The following MYO5B variants were observed in gnomAD, a reference collection of about 807,000 sequenced individuals.
MYO5B encodes unconventional myosin-Vb.
In MYO5B, 143 loss-of-function variants were observed where a neutral mutation model predicts 229.3. That is an observed-to-expected ratio of 0.62 (90% CI 0.54 to 0.72). The LOEUF (loss-of-function observed/expected upper bound fraction) is 0.72, where lower values mean the gene tolerates loss of function less well. MYO5B is among the 30% of genes least tolerant of loss of function. The pLI is 0.00. For synonymous variants in MYO5B, 918 were observed against 885.2 expected, an observed-to-expected ratio of 1.04 and a Z score of -0.66; for missense variants, 2,321 against 2,331.0, an observed-to-expected ratio of 1.00 and a Z score of 0.09.
intron 15 of MYO5B, 73 bp downstream of exon 15, chr18:49,937,172 C>CGG: frequency 6.4e-7 from 1 of 1,564,284 alleles, no homozygotes; most frequent in Non-Finnish European, 8.8e-7. Flanking sequence ...CTCACCCTGC[C>CGG]GCCATCCTTC....
At chr18:49,876,376 G>A (rs752084239) in intron 25 of MYO5B, 2 of 239,306 alleles carry the variant, frequency 8.4e-6, no homozygotes, top group Non-Finnish European at 1.6e-5. Context: ...ATTCATGCCT[G>A]AGTTTGCCCT....
intron 2 of MYO5B, among the ~76,000 whole-genome samples, chr18:50,043,416 T>TTTAAATATATTAAATATTAAATA (rs2030105106): frequency 9.6e-5 from 3 of 31,170 alleles, no homozygotes; most frequent in Non-Finnish European, 1.2e-4. Context: ...ATATTAAATA[T>TTTAAATATATTAAATATTAAATA]TTAAATATAT....
chr18:50,033,497 C>G (rs2026412972), intron 4 of MYO5B, among the ~76,000 whole-genome samples: 1 of 152,150 alleles, frequency 6.6e-6, no homozygotes, highest in Non-Finnish European at 1.5e-5. Context: ...CCTTAAGAAG[C>G]AGGGTGAGGT....
chr18:50,054,632 G>A (rs908223332), intron 2 of MYO5B, among the ~76,000 whole-genome samples: 1 of 152,188 alleles, frequency 6.6e-6, no homozygotes, highest in South Asian at 2.1e-4. Flanking sequence ...AGGAGGAATA[G>A]AATTTCATAG....
rs61547865 is a variant in MYO5B, at chr18:49,997,321, T to C, written c.612+3934A>G. Reference sequence around the variant, plus strand: ...AAGCAAATCCTGAAAATAACATATCTGGTCTTCATCATCATTTTTGCTAGC... The same window carrying C: ...AAGCAAATCCTGAAAATAACATATCCGGTCTTCATCATCATTTTTGCTAGC... On this transcript the variant is annotated intron_variant, in intron 5 of 39. Coordinates refer to ENST00000285039, the MANE Select transcript of MYO5B (RefSeq NM_001080467.3). Among the ~76,000 whole-genome samples the C allele has an allele frequency of 1.2e-3, 179 of 143,744 alleles. 1 individual carries two copies. The highest frequency in any genetic ancestry group is 4.5e-3 in the African/African-American group (175 of 39,222). The allele number at this position is 143,744 out of a possible 152,430, so 94.3% of individuals were successfully genotyped here.
At chr18:50,164,705 C>T (rs2032818773) in intron 1 of MYO5B, among the ~76,000 whole-genome samples, 1 of 152,084 alleles carries the variant, frequency 6.6e-6, no homozygotes, top group African/African-American at 2.4e-5. Context: ...AGGTATTAAG[C>T]CCTGCATACA....
intron 10 of MYO5B, among the ~76,000 whole-genome samples, chr18:49,969,206 C>G (rs1159739555): frequency 6.6e-6 from 1 of 152,200 alleles, no homozygotes; most frequent in African/African-American, 2.4e-5. Flanking sequence ...TTCCTGATTT[C>G]TCCCCCTCCA....
chr18:49,936,719 C>A (rs913991857), intron 15 of MYO5B, among the ~76,000 whole-genome samples: 3 of 152,176 alleles, frequency 2.0e-5, no homozygotes, highest in African/African-American at 4.8e-5. Context: ...ACCCTGACAT[C>A]CGATGCCTGG....
chr18:50,136,877 C>G (rs2032344466), intron 1 of MYO5B, among the ~76,000 whole-genome samples: 1 of 152,178 alleles, frequency 6.6e-6, no homozygotes, highest in African/African-American at 2.4e-5. Flanking sequence ...ACAAAGCATT[C>G]CCTAACTACC....
chr18:50,026,781 A>T (rs1460767007), intron 4 of MYO5B, among the ~76,000 whole-genome samples: 1 of 152,224 alleles, frequency 6.6e-6, no homozygotes, highest in Non-Finnish European at 1.5e-5. Flanking sequence ...AATCATACTA[A>T]GCATTTTCAT....
intron 1 of MYO5B, among the ~76,000 whole-genome samples, chr18:50,176,368 G>A (rs767275700): frequency 6.6e-6 from 1 of 152,112 alleles, no homozygotes; most frequent in Non-Finnish European, 1.5e-5. Flanking sequence ...CTTGTCAATG[G>A]TTCACACAAC....
chr18:49,992,524 C>G, intron 5 of MYO5B, 93 bp from the exon 6 acceptor site: 2 of 1,560,606 alleles, frequency 1.3e-6, no homozygotes, highest in Non-Finnish European at 1.8e-6. Flanking sequence ...TCCCCTTTCT[C>G]TTCCTTACTT....
intron 4 of MYO5B, among the ~76,000 whole-genome samples, chr18:50,025,986 T>C (rs1022699256): frequency 3.3e-5 from 5 of 152,228 alleles, no homozygotes; most frequent in Admixed American, 6.5e-5. Flanking sequence ...ATAAAACATA[T>C]ACAAATGATA....
intron 22 of MYO5B, among the ~76,000 whole-genome samples, chr18:49,893,806 C>T (rs2024745375): frequency 6.6e-6 from 1 of 152,206 alleles, no homozygotes; most frequent in South Asian, 2.1e-4. Context: ...GCTCTATAAC[C>T]TCCACGGATG....
At chr18:50,005,767 T>G (rs149355703) in intron 4 of MYO5B, among the ~76,000 whole-genome samples, 3 of 152,234 alleles carry the variant, frequency 2.0e-5, no homozygotes, top group African/African-American at 7.2e-5. Context: ...GGACTACTTG[T>G]CTTTGATGAC....
intron 1 of MYO5B, among the ~76,000 whole-genome samples, chr18:50,191,579 T>C (rs2033227317): frequency 6.6e-6 from 1 of 152,248 alleles, no homozygotes; most frequent in Admixed American, 6.5e-5. Context: ...GAGTGTTTTC[T>C]CCTACAAGTA....
intron 35 of MYO5B, among the ~76,000 whole-genome samples, chr18:49,839,564 A>G (rs759435710): frequency 1.3e-5 from 2 of 152,244 alleles, no homozygotes; most frequent in African/African-American, 2.4e-5. Context: ...TCCCTACGGT[A>G]GCAAAACCTA....
intron 2 of MYO5B, among the ~76,000 whole-genome samples, chr18:50,050,111 C>T (rs954781662): frequency 1.6e-4 from 25 of 152,082 alleles, no homozygotes; most frequent in African/African-American, 5.6e-4. Context: ...ATAACCATAA[C>T]TGAGCAACTG....
rs553921264 is a variant in MYO5B at position 50,157,113 on chromosome 18, G to A, written c.27+37654C>T. Among the ~76,000 whole-genome samples the A allele has an allele frequency of 1.3e-4, 20 of 151,362 alleles. No individual in the cohort carries two copies. The East Asian group carries it at 3.7e-3, about 28-fold the overall frequency. On this transcript the variant is annotated intron_variant, in intron 1 of 39. Transcript: ENST00000285039. ...TTGTTTTTTTTTTTTGGCTGGGGGT[G>A]GGGAGGTGGGGGGACGGAGTCTCGC... is the stretch of plus-strand genomic sequence containing the variant.
Sources: gnomAD v4.1 joint callset for allele counts (sites outside exome capture counted in the v4.1 genomes callset) on GRCh38, gnomAD v4.1.1 for gene constraint, MANE v1.5 for transcripts, NCBI Gene and HGNC (gene_info 2026-07-23, HGNC 2026-07-21) for gene names.